NEBL: variants seen among roughly 807,000 people sequenced by gnomAD.
NEBL encodes the protein nebulette, also known as LIM and SH3 protein 2.
A neutral mutation model predicts 140.2 loss-of-function variants in NEBL; 122 were observed. The observed-to-expected ratio is 0.87, with a 90% CI of 0.75 to 1.01. The LOEUF is 1.01. Among genes scored for constraint, NEBL ranks in the 50% least tolerant of loss-of-function variants. NEBL has a pLI of 0.00. For missense variants in NEBL, 1,365 were observed against 1,231.3 expected (o/e 1.11, Z -1.62); for synonymous variants, 436 against 398.9 (o/e 1.09, Z -1.11).
intron 26 of NEBL, among the ~76,000 whole-genome samples, chr10:20,797,211 A>T (rs1386069752): frequency 1.3e-5 from 2 of 152,222 alleles, no homozygotes; most frequent in Non-Finnish European, 2.9e-5. Flanking sequence ...ATTTAATATG[A>T]AGATTCATTA....
At chr10:20,874,854 C>T (rs530905288) in intron 5 of NEBL, among the ~76,000 whole-genome samples, 88 of 152,258 alleles carry the variant, frequency 5.8e-4, no homozygotes, top group African/African-American at 2.0e-3. Flanking sequence ...ATACTCCTGT[C>T]TTAGCCTCCT....
intron 2 of NEBL, among the ~76,000 whole-genome samples, chr10:21,139,987 C>CAAAAAAAAAAAAAAAAAAAA (rs11289396): frequency 1.0e-5 from 1 of 99,690 alleles, no homozygotes; most frequent in Non-Finnish European, 2.2e-5. Flanking sequence ...CCTGTCTCAA[C>CAAAAAAAAAAAAAAAAAAAA]AAAAAAAAAA....
intron 2 of NEBL, among the ~76,000 whole-genome samples, chr10:21,166,761 G>T (rs985867991): frequency 3.3e-5 from 5 of 152,182 alleles, no homozygotes; most frequent in Non-Finnish European, 7.4e-5. Flanking sequence ...GCTCCATCTA[G>T]CTCCAAAACT....
intron 3 of NEBL, among the ~76,000 whole-genome samples, chr10:21,221,958 C>G (rs1011980223): frequency 2.6e-5 from 4 of 151,568 alleles, no homozygotes; most frequent in Non-Finnish European, 5.9e-5. Flanking sequence ...AAGATGAGAC[C>G]CCCTAGAAGG....
intron 1 of NEBL, among the ~76,000 whole-genome samples, chr10:21,283,496 T>A (rs1843017238): frequency 6.6e-6 from 1 of 152,194 alleles, no homozygotes; most frequent in Non-Finnish European, 1.5e-5. Flanking sequence ...TTGCGTGAGA[T>A]CCAAGAACCG....
At chr10:21,229,928 C>T (rs1046799758) in intron 3 of NEBL, among the ~76,000 whole-genome samples, 6 of 152,214 alleles carry the variant, frequency 3.9e-5, no homozygotes, top group African/African-American at 1.2e-4. Flanking sequence ...ATGTAACCCA[C>T]GTTGCCTAGC....
chr10:20,953,443 G>T (rs539270459), intron 4 of NEBL, among the ~76,000 whole-genome samples: 2 of 151,370 alleles, frequency 1.3e-5, no homozygotes, highest in Non-Finnish European at 2.9e-5. Context: ...AATTTCTGTC[G>T]CTTTACGCTG....
At chr10:20,823,532 A>T (rs778955190) in intron 18 of NEBL, among the ~76,000 whole-genome samples, 1 of 152,204 alleles carries the variant, frequency 6.6e-6, no homozygotes, top group African/African-American at 2.4e-5. Context: ...GAGTTTTTTA[A>T]GTAAAATAAG....
intron 2 of NEBL, among the ~76,000 whole-genome samples, chr10:21,124,929 C>T (rs1054623297): frequency 2.6e-5 from 4 of 152,154 alleles, no homozygotes; most frequent in African/African-American, 9.7e-5. Context: ...GACTGTACTC[C>T]AGACTGTGAA....
chr10:21,067,575 G>C (rs1184034597), intron 2 of NEBL, among the ~76,000 whole-genome samples: 1 of 152,122 alleles, frequency 6.6e-6, no homozygotes, highest in Admixed American at 6.5e-5. Flanking sequence ...ATCTTGGAAA[G>C]ATTACATTTA....
chr10:21,052,101 C>T (rs765380830), intron 2 of NEBL, among the ~76,000 whole-genome samples: 19 of 151,922 alleles, frequency 1.3e-4, no homozygotes, highest in Non-Finnish European at 2.2e-4. Flanking sequence ...AAAAAAAAAA[C>T]TTTACATATC....
intron 4 of NEBL, among the ~76,000 whole-genome samples, chr10:20,956,261 G>A: frequency 6.6e-6 from 1 of 152,202 alleles, no homozygotes; most frequent in East Asian, 1.9e-4. Flanking sequence ...AGGAGCGGTT[G>A]TTCAGAGGAT....
intron 3 of NEBL, among the ~76,000 whole-genome samples, chr10:21,227,909 A>G (rs532122176): frequency 6.6e-6 from 1 of 151,540 alleles, no homozygotes; most frequent in Admixed American, 6.6e-5. Context: ...TAAAAATGTA[A>G]ATGGTAACGT....
At chr10:20,929,977 T>C (rs1834105560) in intron 4 of NEBL, among the ~76,000 whole-genome samples, 1 of 152,176 alleles carries the variant, frequency 6.6e-6, no homozygotes, top group South Asian at 2.1e-4. Context: ...GGGCCACTTC[T>C]CATTTCTATC....
chr10:21,203,083 G>A (rs926958944), intron 3 of NEBL, among the ~76,000 whole-genome samples: 1 of 152,172 alleles, frequency 6.6e-6, no homozygotes, highest in African/African-American at 2.4e-5. Context: ...TGGAAATAAA[G>A]TTTCTATTCT....
intron 5 of NEBL, among the ~76,000 whole-genome samples, chr10:20,874,048 C>T (rs1845239106): frequency 6.6e-6 from 1 of 152,254 alleles, no homozygotes; most frequent in South Asian, 2.1e-4. Flanking sequence ...AGTATAGAGT[C>T]TTATCTGAAA....
At chr10:21,196,961 G>A (rs1010836484) in intron 3 of NEBL, among the ~76,000 whole-genome samples, 15 of 152,150 alleles carry the variant, frequency 9.9e-5, no homozygotes, top group Admixed American at 3.3e-4. Flanking sequence ...CATGAAGTGC[G>A]AATTTTTTTT....
chr10:21,059,143 G>A (rs975454446), intron 2 of NEBL, among the ~76,000 whole-genome samples: 12 of 152,100 alleles, frequency 7.9e-5, no homozygotes, highest in Admixed American at 3.3e-4. Flanking sequence ...CCCAGCAGTC[G>A]GGGTGAAGCC....
chr10:20,824,530 G>A (rs1839651152), intron 18 of NEBL, among the ~76,000 whole-genome samples: 1 of 152,192 alleles, frequency 6.6e-6, no homozygotes, highest in South Asian at 2.1e-4. Context: ...TACTCTGGAG[G>A]TGGAAAATGT....
Sources: gnomAD v4.1 joint callset for allele counts (sites outside exome capture counted in the v4.1 genomes callset) on GRCh38, gnomAD v4.1.1 for gene constraint, MANE v1.5 for transcripts, NCBI Gene and HGNC (gene_info 2026-07-23, HGNC 2026-07-21) for gene names.